Variants in PARVB observed in about 807,000 individuals in gnomAD.
PARVB encodes parvin beta.
Under a neutral mutation model 47.0 loss-of-function variants are expected in PARVB, and 46 were observed. The ratio of observed to expected loss-of-function variants is 0.98; its 90% CI spans 0.77 to 1.25. PARVB has a LOEUF of 1.25. PARVB is among the 50% of genes most tolerant of loss of function. The probability of loss-of-function intolerance (pLI) is 0.00; values close to 1 mark genes in which losing one functional copy is unlikely to be tolerated. For missense variants in PARVB, 473 were observed against 471.6 expected (o/e 1.00, Z -0.03); for synonymous variants, 196 against 196.3 (o/e 1.00, Z 0.01).
Position 44,049,206 on chromosome 22 carries a change from A to G in PARVB, c.112+24755A>G, listed in dbSNP as rs2051165302. 6.6e-6 allele frequency among the ~76,000 whole-genome samples: 1 copy of G among 152,170 alleles called. No individual in the cohort carries two copies. Among genetic ancestry groups the G allele is most frequent in the Admixed American group, 6.5e-5 (1 of 15,272 alleles). Reference sequence around the variant, plus strand: ...GGTGAGAAACCAGGTCTCTGGCTGAATGCACCTCTCACTGAAGACATCTCC... The same window carrying G: ...GGTGAGAAACCAGGTCTCTGGCTGAGTGCACCTCTCACTGAAGACATCTCC... On this transcript the variant is annotated intron_variant, in intron 1 of 12. Coordinates refer to ENST00000338758, the MANE Select transcript of PARVB (RefSeq NM_013327.5). The surrounding 1 kb of genome is among the most constrained non-coding windows in gnomAD (Gnocchi z 4.0).
chr22:44,157,937 C>A, intron 10 of PARVB, 45 bp from the exon 11 acceptor site: 3 of 1,425,724 alleles, frequency 2.1e-6, no homozygotes, highest in Non-Finnish European at 2.0e-6. Context: ...AAGCATTTGC[C>A]AACTCCTTAC....
In PARVB at chr22:44,094,923, CTCT is replaced by C. The variant is rs565473528; in HGVS notation, c.202+915_202+917del. Among the ~76,000 whole-genome samples, 91 of 151,570 alleles carry C rather than the reference CTCT, an allele frequency of 6.0e-4. 4 individuals are homozygous for C. The South Asian group carries it at 8.3e-3, about 14-fold the overall frequency. ...GTCCTGAGTCTTCTCAGTAAGAAGA[CTCT>C]TCTTCTTCCACACCACGTGGCGTGG... On this transcript the variant is annotated intron_variant, in intron 2 of 12. Coordinates refer to ENST00000338758, the MANE Select transcript of PARVB (RefSeq NM_013327.5).
intron 1 of PARVB, among the ~76,000 whole-genome samples, chr22:44,079,547 C>A (rs2051852655): frequency 6.6e-6 from 1 of 152,212 alleles, no homozygotes; most frequent in African/African-American, 2.4e-5. Flanking sequence ...GGGAATCTGA[C>A]CCCTTACTCA....
intron 3 of PARVB, chr22:44,102,966 C>G (rs12628750): frequency 6.6e-6 from 1 of 152,576 alleles, no homozygotes; most frequent in Non-Finnish European, 1.5e-5. Flanking sequence ...AAGTTGAGTG[C>G]GTGTGGGGTC....
At chr22:44,052,154 C>A (rs759508403) in intron 1 of PARVB, among the ~76,000 whole-genome samples, 9 of 152,182 alleles carry the variant, frequency 5.9e-5, no homozygotes, top group Non-Finnish European at 8.8e-5. Flanking sequence ...CACCATCTGG[C>A]CTTTGATCTT....
In PARVB at chr22:44,103,390, G is replaced by C. The variant is rs1207749624; in HGVS notation, c.273+3267G>C. 1.3e-5 allele frequency: 2 copies of C among 152,206 alleles called. No individual in the cohort carries two copies. The highest frequency in any genetic ancestry group is 4.8e-5 in the African/African-American group (2 of 41,428). The allele number at this position is 152,206 out of a possible 1,614,324, so 9.4% of individuals were successfully genotyped here. On this transcript the variant is annotated intron_variant, in intron 3 of 12. Transcript: ENST00000338758. This position sits in a 1 kb window ranked among gnomAD's most constrained non-coding sequence, Gnocchi z 4.6. The stretch of plus-strand genomic sequence containing the variant: ...AGCTGGGTTTTCTTCTGAAGCCATA[G>C]CCAGCTCATGCACCTGCCTCACCTC...
At chr22:44,046,711 A>G (rs926813249) in intron 1 of PARVB, among the ~76,000 whole-genome samples, 2 of 152,342 alleles carry the variant, frequency 1.3e-5, no homozygotes, top group East Asian at 3.9e-4. Context: ...GAGTGATGTG[A>G]TAACTCCACA....
At chr22:44,010,883 A>G (rs2050515017) in intron 2 of PARVB, among the ~76,000 whole-genome samples, 1 of 150,234 alleles carries the variant, frequency 6.7e-6, no homozygotes, top group African/African-American at 2.4e-5. Flanking sequence ...ATTAGGCACC[A>G]TGCCTATTTT....
intron 1 of PARVB, among the ~76,000 whole-genome samples, chr22:44,062,384 C>T (rs533977927): frequency 8.2e-4 from 125 of 152,046 alleles, no homozygotes; most frequent in Non-Finnish European, 1.3e-3. Flanking sequence ...AAGCCTGTAA[C>T]CCCAGCACTT....
chr22:44,018,903 T>G (rs1301927076), intron 2 of PARVB, among the ~76,000 whole-genome samples: 1 of 72,716 alleles, frequency 1.4e-5, no homozygotes, highest in Non-Finnish European at 2.4e-5. Flanking sequence ...CTGGAGCTGG[T>G]TAATTTTTTA....
intron 3 of PARVB, chr22:44,102,731 G>T (rs34202898): frequency 0.15 from 22,998 of 152,330 alleles, 1,943 homozygotes; most frequent in South Asian, 0.21. Flanking sequence ...TCCTAGCTAT[G>T]CAGGAGGCTG....
At chr22:44,119,482 G>A (rs977271099) in intron 4 of PARVB, among the ~76,000 whole-genome samples, 1 of 152,234 alleles carries the variant, frequency 6.6e-6, no homozygotes, top group African/African-American at 2.4e-5. Flanking sequence ...GGAGGCAGCA[G>A]GAGGGAAGCG....
chr22:44,168,947 G>A lies in PARVB; in HGVS notation c.*269G>A, dbSNP rs952698914. On this transcript the variant is annotated 3_prime_UTR_variant, in exon 13 of 13. Transcript: ENST00000338758. ...CTCGTGCTTGCGTTTGAAGCCTCGC[G>A]TCACTCAGTCGCGTGGGATGATGAG... 58 of 398,754 alleles carry A rather than the reference G, an allele frequency of 1.5e-4. No individual in the cohort carries two copies. The highest frequency in any genetic ancestry group is 1.3e-3 in the Admixed American group (32 of 24,522). The allele number at this position is 398,754 out of a possible 1,614,324, so 24.7% of individuals were successfully genotyped here. A position where few individuals can be genotyped will look rare whatever the true frequency, so the allele number is the denominator to read the frequency against.
chr22:44,172,681 T>G lies in PARVB; in HGVS notation c.*4003T>G. The G allele has an allele frequency of 3.9e-6, 1 of 255,280 alleles. No individual in the cohort carries two copies. The highest frequency in any genetic ancestry group is 3.5e-5 in the South Asian group (1 of 28,662). The allele number at this position is 255,280 out of a possible 1,614,324, so 15.8% of individuals were successfully genotyped here. ...AAAGCAACTGAATCCTTTCCCCCTG[T>G]TTTGTGTGCCAGTATTTTACTGTCT... On this transcript the variant is annotated 3_prime_UTR_variant, in exon 13 of 13. Transcript: ENST00000338758.
At position 44,168,924 on chromosome 22, in the gene PARVB, C is replaced by T. The variant is rs760502897; in HGVS notation, c.*246C>T. ...TTGAAAATGCAGGATTCTAAACACT[C>T]GTGCTTGCGTTTGAAGCCTCGCGTC... On this transcript the variant is annotated 3_prime_UTR_variant, in exon 13 of 13. Coordinates refer to ENST00000338758, the MANE Select transcript of PARVB (RefSeq NM_013327.5). The T allele has an allele frequency of 2.4e-5, 11 of 465,122 alleles. No individual in the cohort carries two copies. The highest frequency in any genetic ancestry group is 3.7e-5 in the Admixed American group (1 of 27,092). The allele number at this position is 465,122 out of a possible 1,614,324, so 28.8% of individuals were successfully genotyped here. A position where few individuals can be genotyped will look rare whatever the true frequency, so the allele number is the denominator to read the frequency against.
rs764331293 is a variant in PARVB, at chr22:44,107,878, C to CT, written c.273+7768dup. 1.4e-3 allele frequency: 203 copies of CT among 144,826 alleles called. No individual in the cohort carries two copies. In the Middle Eastern group the frequency reaches 0.025, roughly 18 times the overall value. 9.0% of individuals were successfully genotyped at this position (144,826 alleles called of 1,614,324 possible). ...TTATTAATTACACTGTCCCTGAGTTCTTTTTTTTTTTTTGAGACGGAGTCT... is the reference window on the plus strand; with the variant it reads ...TTATTAATTACACTGTCCCTGAGTTCTTTTTTTTTTTTTTGAGACGGAGTCT... On this transcript the variant is annotated intron_variant, in intron 3 of 12. Coordinates refer to ENST00000338758, the MANE Select transcript of PARVB (RefSeq NM_013327.5).
Position 44,121,716 on chromosome 22 carries a change from G to A in PARVB, c.376+2576G>A, listed in dbSNP as rs551704298. ...TGCTTCTAGTCTCTTTAAGCCAAAA[G>A]AGGTAGCAAATATATAGTTTTTTAA... is the stretch of plus-strand genomic sequence containing the variant. On this transcript the variant is annotated intron_variant, in intron 4 of 12. Transcript: ENST00000338758. 3.9e-4 allele frequency among the ~76,000 whole-genome samples: 59 copies of A among 152,270 alleles called. No homozygotes were observed. The South Asian group carries it at 0.012, about 31-fold the overall frequency.
At chr22:44,028,164 A>G (rs2050763861) in intron 1 of PARVB, among the ~76,000 whole-genome samples, 1 of 152,000 alleles carries the variant, frequency 6.6e-6, no homozygotes, top group Non-Finnish European at 1.5e-5. Flanking sequence ...GCCGTTGGAC[A>G]TTCTGTGGCT....
chr22:44,074,199 C>G (rs778224777), intron 1 of PARVB, among the ~76,000 whole-genome samples: 7 of 152,314 alleles, frequency 4.6e-5, no homozygotes, highest in Non-Finnish European at 7.4e-5. Context: ...AGGCTCCCAG[C>G]AGAGAGACGG....
Sources: gnomAD v4.1 joint callset for allele counts (sites outside exome capture counted in the v4.1 genomes callset) on GRCh38, gnomAD v4.1.1 for gene constraint, Gnocchi (gnomAD v3.1) non-coding constraint, MANE v1.5 for transcripts, NCBI Gene and HGNC (gene_info 2026-07-23, HGNC 2026-07-21) for gene names.